PRICKLE2: variants seen among roughly 807,000 people sequenced by gnomAD.
PRICKLE2 encodes prickle-like protein 2.
A neutral mutation model predicts 81.4 loss-of-function variants in PRICKLE2; 21 were observed. The observed-to-expected ratio is 0.26, with a 90% CI of 0.18 to 0.37. PRICKLE2 has a LOEUF of 0.37. Ranked by LOEUF, PRICKLE2 falls within the 10% of genes least tolerant of loss-of-function variation. PRICKLE2 has a pLI of 1.00. For missense variants in PRICKLE2, 940 were observed against 1,109.0 expected (o/e 0.85, Z 2.16); for synonymous variants, 456 against 421.5 (o/e 1.08, Z -1.00).
rs564625576 is a variant in PRICKLE2, at chr3:64,152,068, C to T, written c.787+1114G>A. 6.2e-4 allele frequency among the ~76,000 whole-genome samples: 95 copies of T among 152,318 alleles called. 1 individual carries two copies. Among genetic ancestry groups the T allele is most frequent in the African/African-American group, 2.2e-3 (90 of 41,566 alleles). ...CACAAAGCCAGGGTTTTTATCAGCA[C>T]ACAGAGCTCTCCAAATACTAGCTAA... is the stretch of plus-strand genomic sequence containing the variant. On this transcript the variant is annotated intron_variant, in intron 6 of 7. Coordinates refer to ENST00000638394, the MANE Select transcript of PRICKLE2 (RefSeq NM_198859.4).
At chr3:64,225,489 T>C (rs1398757970), upstream of PRICKLE2, 1 of 982,208 alleles carries the variant, frequency 1.0e-6, no homozygotes, top group African/African-American at 1.7e-5. Context: ...CGCATGCTAA[T>C]GAAGCTGTGA....
intron 1 of PRICKLE2, among the ~76,000 whole-genome samples, chr3:64,208,215 G>A (rs778985368): frequency 2.6e-5 from 4 of 152,164 alleles, no homozygotes; most frequent in Non-Finnish European, 5.9e-5. Flanking sequence ...GCATTCCCCG[G>A]TTGTGTTTCA....
At chr3:64,245,802 G>T (rs2079340996) in intron 2 of PRICKLE2, among the ~76,000 whole-genome samples, 1 of 152,202 alleles carries the variant, frequency 6.6e-6, no homozygotes, top group African/African-American at 2.4e-5. Flanking sequence ...AGGTTTAAAA[G>T]AAGGCAGGAG....
At chr3:64,177,998 C>T (rs759132383) in intron 2 of PRICKLE2, among the ~76,000 whole-genome samples, 2 of 152,182 alleles carry the variant, frequency 1.3e-5, no homozygotes, top group East Asian at 1.9e-4. Context: ...AAAGTGGCTG[C>T]ACCATTTTAC....
In PRICKLE2 at chr3:64,172,765, T is replaced by C. The variant is rs186367115; in HGVS notation, c.145-9636A>G. Reference sequence around the variant, plus strand: ...GTGACTATATTTATAGATAGGGCCTTTAAGGAGGTAATTAAGATTAAATGA... The same window carrying C: ...GTGACTATATTTATAGATAGGGCCTCTAAGGAGGTAATTAAGATTAAATGA... On this transcript the variant is annotated intron_variant, in intron 2 of 7. Coordinates refer to ENST00000638394, the MANE Select transcript of PRICKLE2 (RefSeq NM_198859.4). 3.9e-5 allele frequency among the ~76,000 whole-genome samples: 6 copies of C among 152,224 alleles called. No individual in the cohort carries two copies. The East Asian group carries it at 1.2e-3, about 29-fold the overall frequency.
At chr3:64,103,279 G>A (rs765207214) in intron 7 of PRICKLE2, 1 of 152,164 alleles carries the variant, frequency 6.6e-6, no homozygotes, top group Non-Finnish European at 1.5e-5. Context: ...CAGTGTGAAG[G>A]ATGGCTTCCT....
intron 7 of PRICKLE2, among the ~76,000 whole-genome samples, chr3:64,127,677 G>A (rs528141324): frequency 2.6e-5 from 4 of 151,976 alleles, no homozygotes; most frequent in South Asian, 2.1e-4. Flanking sequence ...TGTACCCAGC[G>A]TCCATCTCAG....
At chr3:64,113,719 C>T (rs893388818) in intron 7 of PRICKLE2, among the ~76,000 whole-genome samples, 6 of 152,134 alleles carry the variant, frequency 3.9e-5, no homozygotes, top group African/African-American at 1.4e-4. Context: ...CCTGCCCCTG[C>T]CAGCACCCTG....
At chr3:64,216,883 G>A (rs544716188) in intron 1 of PRICKLE2, among the ~76,000 whole-genome samples, 3 of 152,350 alleles carry the variant, frequency 2.0e-5, no homozygotes, top group African/African-American at 7.2e-5. Flanking sequence ...GGATGCAAGG[G>A]TGGGGGTGTC....
intron 7 of PRICKLE2, among the ~76,000 whole-genome samples, chr3:64,129,425 C>G (rs1041132848): frequency 6.6e-6 from 1 of 152,108 alleles, no homozygotes; most frequent in Non-Finnish European, 1.5e-5. Context: ...CTATGTATGA[C>G]AGCAGATCTT....
At chr3:64,219,051 C>T (rs1383109528) in intron 1 of PRICKLE2, among the ~76,000 whole-genome samples, 1 of 152,190 alleles carries the variant, frequency 6.6e-6, no homozygotes, top group African/African-American at 2.4e-5. Context: ...AGACGTTCTT[C>T]CAGGAAGCTT....
intron 2 of PRICKLE2, among the ~76,000 whole-genome samples, chr3:64,172,511 T>C (rs935771442): frequency 8.5e-5 from 13 of 152,372 alleles, no homozygotes; most frequent in Non-Finnish European, 1.6e-4. Context: ...TTTGATCTCT[T>C]GTAGAAAGTT....
At chr3:64,170,107 C>T (rs1209124049) in intron 2 of PRICKLE2, among the ~76,000 whole-genome samples, 1 of 152,070 alleles carries the variant, frequency 6.6e-6, no homozygotes, top group Non-Finnish European at 1.5e-5. Context: ...GAAATTGTAC[C>T]AAGTTTGGCT....
intron 1 of PRICKLE2, among the ~76,000 whole-genome samples, chr3:64,221,227 C>G (rs1008282010): frequency 6.6e-6 from 1 of 152,112 alleles, no homozygotes; most frequent in Non-Finnish European, 1.5e-5. Context: ...CTCACACACT[C>G]TCTCCCCTCT....
intron 7 of PRICKLE2, among the ~76,000 whole-genome samples, chr3:64,113,094 A>T (rs1439050959): frequency 1.3e-5 from 2 of 152,124 alleles, no homozygotes; most frequent in Non-Finnish European, 1.5e-5. Context: ...AGGCCTTGGG[A>T]ACCCTAGAAG....
chr3:64,108,142 G>A (rs1474002383), intron 7 of PRICKLE2, among the ~76,000 whole-genome samples: 1 of 152,190 alleles, frequency 6.6e-6, no homozygotes, highest in Non-Finnish European at 1.5e-5. Context: ...GGGGAGTTGT[G>A]ACAGACTGTA....
At chr3:64,110,283 C>T (rs764969579) in intron 7 of PRICKLE2, among the ~76,000 whole-genome samples, 3 of 152,218 alleles carry the variant, frequency 2.0e-5, no homozygotes, top group Non-Finnish European at 4.4e-5. Context: ...ACTTGGGAAA[C>T]ACTTGACTAC....
In PRICKLE2 at chr3:64,147,380, G is replaced by T. The variant is rs571722511; in HGVS notation, c.1110C>A (p.Asp370Glu). The change falls in exon 7 of 8, where the codon GAC becomes GAA. Residue 370 changes from aspartate to glutamate, a missense_variant. By Grantham distance (45) the Asp-to-Glu change is conservative. This residue lies in a region of PRICKLE2 where 670 missense variants were observed against 717.2 expected (regional missense o/e 0.93). Transcript: ENST00000638394. This position sits in a 1 kb window ranked among gnomAD's most constrained non-coding sequence, Gnocchi z 5.0. The part of the protein sequence containing the change: ...VSSNRLSADV[D>E]PLSLQMDMLS... ...GCATGTCCATCTGCAGTGACAGGGGGTCTACGTCGGCTGACAGCCGGTTAG... is the reference window on the plus strand; with the variant it reads ...GCATGTCCATCTGCAGTGACAGGGGTTCTACGTCGGCTGACAGCCGGTTAG... 5.0e-6 allele frequency: 8 copies of T among 1,614,242 alleles called. No individual in the cohort carries two copies. Among genetic ancestry groups the T allele is most frequent in the South Asian group, 1.1e-5 (1 of 91,086 alleles).
intron 2 of PRICKLE2, among the ~76,000 whole-genome samples, chr3:64,251,361 C>T (rs1406182373): frequency 6.6e-6 from 1 of 152,184 alleles, no homozygotes. Context: ...TGGCAGTTCC[C>T]ACTCTGCCAC....
Sources: gnomAD v4.1 joint callset for allele counts (sites outside exome capture counted in the v4.1 genomes callset) on GRCh38, gnomAD v4.1.1 for gene constraint, gnomAD v4.1.1 regional missense constraint, Gnocchi (gnomAD v3.1) non-coding constraint, MANE v1.5 for transcripts, NCBI Gene and HGNC (gene_info 2026-07-23, HGNC 2026-07-21) for gene names.